The following VOPP1 variants were observed in gnomAD, a reference collection of about 807,000 sequenced individuals.
VOPP1 encodes the protein WW domain binding protein VOPP1.
Under a neutral mutation model 23.5 loss-of-function variants are expected in VOPP1, and 8 were observed. That is an observed-to-expected ratio of 0.34 (90% CI 0.20 to 0.61). VOPP1 has a LOEUF of 0.61. Among genes scored for constraint, VOPP1 ranks in the 20% least tolerant of loss-of-function variants. The pLI, the probability that VOPP1 is intolerant of heterozygous loss-of-function variation, is 0.78. For synonymous variants in VOPP1, 83 were observed against 97.3 expected, an observed-to-expected ratio of 0.85 and a Z score of 0.86; for missense variants, 174 against 238.1, an observed-to-expected ratio of 0.73 and a Z score of 1.77.
intron 4 of VOPP1, among the ~76,000 whole-genome samples, chr7:55,436,924 G>T (rs976321081): frequency 7.2e-5 from 11 of 152,148 alleles, no homozygotes; most frequent in African/African-American, 2.4e-4. Flanking sequence ...AGAGAAACTT[G>T]TGGCTTTCAT....
intron 2 of VOPP1, among the ~76,000 whole-genome samples, chr7:55,512,905 G>A (rs1048843066): frequency 3.9e-5 from 6 of 152,214 alleles, no homozygotes; most frequent in East Asian, 1.9e-4. Context: ...TGGCACCTGC[G>A]CCCCTAGCAG....
chr7:55,460,591 C>T (rs888150891), intron 4 of VOPP1, among the ~76,000 whole-genome samples: 5 of 152,110 alleles, frequency 3.3e-5, no homozygotes, highest in African/African-American at 1.2e-4. Context: ...GTGTGGGGTA[C>T]ATGTATATCA....
chr7:55,443,292 C>T (rs1351887411), intron 4 of VOPP1, among the ~76,000 whole-genome samples: 1 of 151,070 alleles, frequency 6.6e-6, no homozygotes, highest in African/African-American at 2.4e-5. Flanking sequence ...TGGTGGCTCA[C>T]GCCTGTAATC....
At chr7:55,542,103 T>C (rs1797158542) in intron 1 of VOPP1, among the ~76,000 whole-genome samples, 1 of 152,178 alleles carries the variant, frequency 6.6e-6, no homozygotes, top group Admixed American at 6.5e-5. Context: ...ATAAGACAAA[T>C]CCAGCATGTA....
At chr7:55,443,335 A>G (rs925343086) in intron 4 of VOPP1, among the ~76,000 whole-genome samples, 2 of 152,036 alleles carry the variant, frequency 1.3e-5, no homozygotes, top group Non-Finnish European at 2.9e-5. Context: ...CGGGCGGATC[A>G]CAAGATCAGA....
intron 1 of VOPP1, chr7:55,538,500 C>T: frequency 2.0e-6 from 2 of 978,584 alleles, no homozygotes; most frequent in Middle Eastern, 2.1e-4. Flanking sequence ...ACAAACCACA[C>T]AAAAAGAACA....
intron 1 of VOPP1, among the ~76,000 whole-genome samples, chr7:55,549,650 A>G (rs1204617069): frequency 6.6e-6 from 1 of 152,228 alleles, no homozygotes; most frequent in African/African-American, 2.4e-5. Flanking sequence ...GGCCCTGGGC[A>G]GTTACCCTGG....
At chr7:55,539,899 G>GCGCA (rs71561946) in intron 1 of VOPP1, among the ~76,000 whole-genome samples, 3 of 139,250 alleles carry the variant, frequency 2.2e-5, no homozygotes, top group Admixed American at 7.2e-5. Flanking sequence ...CATAAGCGCT[G>GCGCA]CACACACACA....
chr7:55,504,025 A>T (rs776494058), intron 2 of VOPP1, among the ~76,000 whole-genome samples: 4 of 152,308 alleles, frequency 2.6e-5, no homozygotes, highest in Non-Finnish European at 5.9e-5. Context: ...GCGGGTCTGG[A>T]GATAGAGTTG....
intron 4 of VOPP1, among the ~76,000 whole-genome samples, chr7:55,461,390 A>T (rs574928793): frequency 4.9e-4 from 72 of 147,512 alleles, no homozygotes; most frequent in South Asian, 4.7e-3. Flanking sequence ...ACAGAAATTT[A>T]AAAAAAAATG....
At chr7:55,552,711 C>G in intron 1 of VOPP1, 1 of 1,535,756 alleles carries the variant, frequency 6.5e-7, no homozygotes, top group East Asian at 2.4e-5. Context: ...CCAGCCCCTC[C>G]GAAGGCAGGA....
intron 4 of VOPP1, among the ~76,000 whole-genome samples, chr7:55,439,258 C>G (rs1790906008): frequency 6.6e-6 from 1 of 152,070 alleles, no homozygotes; most frequent in Admixed American, 6.6e-5. Context: ...AAGGCGCAGT[C>G]ACTGAGGTAG....
At chr7:55,477,966 C>G (rs1277602133) in intron 4 of VOPP1, among the ~76,000 whole-genome samples, 4 of 152,206 alleles carry the variant, frequency 2.6e-5, no homozygotes, top group Non-Finnish European at 5.9e-5. Flanking sequence ...CCCACCCAGA[C>G]AGCTGCTCAG....
intron 1 of VOPP1, among the ~76,000 whole-genome samples, chr7:55,560,969 T>C (rs1797964605): frequency 6.6e-6 from 1 of 152,218 alleles, no homozygotes; most frequent in Admixed American, 6.5e-5. Context: ...ATCCCCAGTC[T>C]GGCAGCCACC....
chr7:55,468,281 A>G (rs1281937254), downstream of VOPP1, among the ~76,000 whole-genome samples: 1 of 150,824 alleles, frequency 6.6e-6, no homozygotes, highest in African/African-American at 2.4e-5. Context: ...GAAAAAAAAA[A>G]AAAAAAAGAA....
chr7:55,563,955 A>G (rs1006211389), intron 1 of VOPP1, among the ~76,000 whole-genome samples: 4 of 152,342 alleles, frequency 2.6e-5, no homozygotes, highest in Admixed American at 2.6e-4. Flanking sequence ...GAGGAAAGAA[A>G]TGAGAAGGAA....
At chr7:55,531,265 T>C (rs1245439418) in intron 1 of VOPP1, among the ~76,000 whole-genome samples, 2 of 152,072 alleles carry the variant, frequency 1.3e-5, no homozygotes, top group Non-Finnish European at 2.9e-5. Context: ...ATGAATATGA[T>C]AAACCTTTGT....
intron 4 of VOPP1, among the ~76,000 whole-genome samples, chr7:55,491,045 A>C (rs1583897887): frequency 6.6e-6 from 1 of 152,218 alleles, no homozygotes; most frequent in Non-Finnish European, 1.5e-5. Context: ...TCTCCTATTT[A>C]AAAACCACTT....
intron 1 of VOPP1, chr7:55,537,406 C>T: frequency 6.7e-7 from 1 of 1,501,298 alleles, no homozygotes; most frequent in South Asian, 1.2e-5. Context: ...CTGGAGGTAA[C>T]ACATAACTGC....
Sources: gnomAD v4.1 joint callset for allele counts (sites outside exome capture counted in the v4.1 genomes callset) on GRCh38, gnomAD v4.1.1 for gene constraint, MANE v1.5 for transcripts, NCBI Gene and HGNC (gene_info 2026-07-23, HGNC 2026-07-21) for gene names.